Variants in KIAA1217 observed in about 807,000 individuals in gnomAD.
The protein encoded by KIAA1217 is sickle tail protein homolog.
In KIAA1217, 88 loss-of-function variants were observed where a neutral mutation model predicts 163.9. The ratio of observed to expected loss-of-function variants is 0.54; its 90% CI spans 0.45 to 0.64. The LOEUF (loss-of-function observed/expected upper bound fraction) is 0.64, where lower values mean the gene tolerates loss of function less well. Among genes scored for constraint, KIAA1217 ranks in the 30% least tolerant of loss-of-function variants. The pLI, the probability that KIAA1217 is intolerant of heterozygous loss-of-function variation, is 0.00. For synonymous variants in KIAA1217, 903 were observed against 923.1 expected, an observed-to-expected ratio of 0.98 and a Z score of 0.39; for missense variants, 2,372 against 2,475.0, an observed-to-expected ratio of 0.96 and a Z score of 0.88.
intron 2 of KIAA1217, among the ~76,000 whole-genome samples, chr10:24,114,123 AG>A (rs1224029859): frequency 6.6e-6 from 1 of 152,098 alleles, no homozygotes; most frequent in Non-Finnish European, 1.5e-5. Flanking sequence ...AGAGAGTTTA[AG>A]ACTTTGAGAC....
At chr10:24,455,167 A>C (rs1195951477) in intron 5 of KIAA1217, among the ~76,000 whole-genome samples, 1 of 152,218 alleles carries the variant, frequency 6.6e-6, no homozygotes, top group Non-Finnish European at 1.5e-5. Context: ...CTGAAATGCT[A>C]ATAAGTTTCT....
chr10:23,981,475 T>C (rs1845762877), intron 1 of KIAA1217, among the ~76,000 whole-genome samples: 2 of 152,240 alleles, frequency 1.3e-5, no homozygotes, highest in African/African-American at 4.8e-5. Context: ...TGACCTTTAA[T>C]TCAAAGGTTA....
chr10:23,881,509 A>G (rs1840947080), intron 1 of KIAA1217, among the ~76,000 whole-genome samples: 1 of 151,990 alleles, frequency 6.6e-6, no homozygotes, highest in Non-Finnish European at 1.5e-5. Flanking sequence ...TATTTTGTAA[A>G]TCACTTTAAT....
intron 1 of KIAA1217, among the ~76,000 whole-genome samples, chr10:23,924,013 G>A (rs1333837285): frequency 6.6e-6 from 1 of 151,990 alleles, no homozygotes; most frequent in African/African-American, 2.4e-5. Context: ...AGGATTTAAT[G>A]GAAATTGTCA....
intron 5 of KIAA1217, among the ~76,000 whole-genome samples, chr10:24,445,830 GC>G: frequency 6.6e-6 from 1 of 152,022 alleles, no homozygotes; most frequent in East Asian, 1.9e-4. Context: ...GAATAGTGCC[GC>G]AATAAACATA....
chr10:24,334,305 C>T (rs1479105570), intron 2 of KIAA1217, among the ~76,000 whole-genome samples: 1 of 151,782 alleles, frequency 6.6e-6, no homozygotes, highest in Non-Finnish European at 1.5e-5. Flanking sequence ...CTTGGGAGGC[C>T]AAGGCAGGAG....
At chr10:23,946,267 T>TTAAA (rs1844035642) in intron 1 of KIAA1217, among the ~76,000 whole-genome samples, 2 of 115,754 alleles carry the variant, frequency 1.7e-5, no homozygotes, top group South Asian at 2.8e-4. Flanking sequence ...CTCTTCCGTT[T>TTAAA]AAAAAAAAAA....
intron 1 of KIAA1217, among the ~76,000 whole-genome samples, chr10:23,814,867 T>A (rs1837244690): frequency 6.6e-6 from 1 of 152,000 alleles, no homozygotes; most frequent in Non-Finnish European, 1.5e-5. Flanking sequence ...AAGCAGAGGA[T>A]GAAGTGTGAA....
chr10:24,154,467 C>G (rs2064785189), intron 2 of KIAA1217, among the ~76,000 whole-genome samples: 1 of 151,914 alleles, frequency 6.6e-6, no homozygotes, highest in Non-Finnish European at 1.5e-5. Flanking sequence ...GAGGATAATT[C>G]CTACTTCCTG....
chr10:23,768,434 T>C (rs2130874213), intron 1 of KIAA1217, among the ~76,000 whole-genome samples: 1 of 152,362 alleles, frequency 6.6e-6, no homozygotes, highest in East Asian at 1.9e-4. Context: ...TTGCTCATTA[T>C]TGTGCCCCTG....
At chr10:24,445,492 A>G (rs2060844539) in intron 5 of KIAA1217, among the ~76,000 whole-genome samples, 1 of 148,844 alleles carries the variant, frequency 6.7e-6, no homozygotes, top group Admixed American at 6.7e-5. Context: ...TTAACTCATC[A>G]TTTAGCATTA....
intron 1 of KIAA1217, among the ~76,000 whole-genome samples, chr10:23,925,369 G>A (rs773160903): frequency 4.6e-5 from 7 of 152,192 alleles, no homozygotes; most frequent in Admixed American, 6.5e-5. Context: ...TAAAACTCCC[G>A]GAGCTTCATT....
chr10:24,522,074 T>C (rs1275357004), intron 12 of KIAA1217, 145 bp downstream of exon 12: 3 of 877,838 alleles, frequency 3.4e-6, no homozygotes, highest in Non-Finnish European at 5.0e-6. Flanking sequence ...CTTCTCACCC[T>C]TGAACTTTTA....
intron 2 of KIAA1217, among the ~76,000 whole-genome samples, chr10:24,358,714 A>AT (rs1206551368): frequency 1.3e-5 from 2 of 152,224 alleles, no homozygotes; most frequent in East Asian, 3.8e-4. Flanking sequence ...CTGGCTGAAT[A>AT]GTCACCCTGT....
At chr10:24,493,137 T>C (rs1381521486) in intron 6 of KIAA1217, among the ~76,000 whole-genome samples, 1 of 152,194 alleles carries the variant, frequency 6.6e-6, no homozygotes, top group African/African-American at 2.4e-5. Flanking sequence ...GGAGCCACCG[T>C]GCCCGGCCAG....
upstream of KIAA1217, among the ~76,000 whole-genome samples, chr10:24,207,278 T>TCACACACACA (rs1158516344): frequency 3.0e-5 from 3 of 101,156 alleles, no homozygotes; most frequent in African/African-American, 2.3e-4. Context: ...TCTCTCTCTC[T>TCACACACACA]CTCTCACACA....
intron 2 of KIAA1217, among the ~76,000 whole-genome samples, chr10:24,283,686 A>C (rs2078222628): frequency 6.6e-6 from 1 of 152,142 alleles, no homozygotes; most frequent in Non-Finnish European, 1.5e-5. Flanking sequence ...TTAAAAAAAG[A>C]AAAGAAACTG....
At chr10:24,468,698 G>T (rs557360981) in intron 5 of KIAA1217, among the ~76,000 whole-genome samples, 42 of 152,314 alleles carry the variant, frequency 2.8e-4, no homozygotes, top group Admixed American at 7.8e-4. Context: ...GCAAGCAGCC[G>T]TCCTCATTGG....
chr10:23,986,042 A>G (rs114434404), intron 1 of KIAA1217, among the ~76,000 whole-genome samples: 126 of 152,348 alleles, frequency 8.3e-4, no homozygotes, highest in African/African-American at 2.9e-3. Flanking sequence ...GTTCTAATAT[A>G]ATTGTTTAAT....
Sources: gnomAD v4.1 joint callset for allele counts (sites outside exome capture counted in the v4.1 genomes callset) on GRCh38, gnomAD v4.1.1 for gene constraint, MANE v1.5 for transcripts, NCBI Gene and HGNC (gene_info 2026-07-23, HGNC 2026-07-21) for gene names.